The following PTPRG variants were observed in gnomAD, a reference collection of about 807,000 sequenced individuals.
The protein encoded by PTPRG is protein tyrosine phosphatase receptor type G.
Under a neutral mutation model 165.3 loss-of-function variants are expected in PTPRG, and 102 were observed. That is an observed-to-expected ratio of 0.62 (90% CI 0.53 to 0.73). The LOEUF is 0.73. PTPRG is among the 30% of genes least tolerant of loss of function. PTPRG has a pLI of 0.00. For synonymous variants in PTPRG, 675 were observed against 669.5 expected, an observed-to-expected ratio of 1.01 and a Z score of -0.13; for missense variants, 1,866 against 1,861.4, an observed-to-expected ratio of 1.00 and a Z score of -0.05.
At chr3:62,025,138 T>C (rs944229877) in intron 4 of PTPRG, among the ~76,000 whole-genome samples, 1 of 151,966 alleles carries the variant, frequency 6.6e-6, no homozygotes, top group African/African-American at 2.4e-5. Context: ...CAACAGGGAG[T>C]GGGATGAAAC....
intron 1 of PTPRG, among the ~76,000 whole-genome samples, chr3:61,706,163 T>G (rs1216774064): frequency 6.6e-6 from 1 of 152,050 alleles, no homozygotes; most frequent in Non-Finnish European, 1.5e-5. Context: ...TTTTAAAATT[T>G]TGGGCTATCA....
intron 1 of PTPRG, among the ~76,000 whole-genome samples, chr3:61,633,876 T>C (rs1701832173): frequency 6.6e-6 from 1 of 151,842 alleles, no homozygotes; most frequent in Non-Finnish European, 1.5e-5. Flanking sequence ...AAGTTCTCTG[T>C]TATTCCTAGT....
At chr3:61,761,399 A>AAAC (rs1458595707) in intron 2 of PTPRG, among the ~76,000 whole-genome samples, 1 of 152,190 alleles carries the variant, frequency 6.6e-6, no homozygotes, top group Non-Finnish European at 1.5e-5. Context: ...CAACATGGTG[A>AAAC]AACTTCATCT....
At chr3:62,097,479 GACAGGTATA>G (rs1221089350) in intron 5 of PTPRG, among the ~76,000 whole-genome samples, 1 of 152,008 alleles carries the variant, frequency 6.6e-6, no homozygotes, top group Non-Finnish European at 1.5e-5. Context: ...ATGCTCGTGT[GACAGGTATA>G]TGAACGCGAT....
At chr3:62,026,879 T>TAAAAAAAA (rs200417191) in intron 4 of PTPRG, among the ~76,000 whole-genome samples, 35 of 94,682 alleles carry the variant, frequency 3.7e-4, no homozygotes, top group East Asian at 9.0e-4. Flanking sequence ...GAGTGAGAAT[T>TAAAAAAAA]AAAAAAAAAA....
chr3:61,592,711 C>A (rs567538232), intron 1 of PTPRG, among the ~76,000 whole-genome samples: 1 of 147,364 alleles, frequency 6.8e-6, no homozygotes, highest in East Asian at 2.0e-4. Context: ...TCAATATTCA[C>A]CCTGTCTCTG....
intron 1 of PTPRG, among the ~76,000 whole-genome samples, chr3:61,654,902 C>T (rs1702466699): frequency 6.6e-6 from 1 of 151,744 alleles, no homozygotes; most frequent in Non-Finnish European, 1.5e-5. Context: ...GTGCCTCAGC[C>T]TCCTGAGTAG....
chr3:61,668,051 G>A (rs1702857890), intron 1 of PTPRG, among the ~76,000 whole-genome samples: 1 of 152,146 alleles, frequency 6.6e-6, no homozygotes, highest in East Asian at 1.9e-4. Context: ...AGAAATGAGT[G>A]TTTGCAACAG....
intron 13 of PTPRG, among the ~76,000 whole-genome samples, chr3:62,223,372 C>CT (rs1700691707): frequency 6.6e-6 from 1 of 152,206 alleles, no homozygotes; most frequent in African/African-American, 2.4e-5. Context: ...GCTGTCATCT[C>CT]TAAGGTGTGA....
chr3:62,069,095 G>T (rs571020633), intron 4 of PTPRG, among the ~76,000 whole-genome samples: 2 of 152,186 alleles, frequency 1.3e-5, no homozygotes, highest in South Asian at 4.1e-4. Context: ...TGTGGAAATG[G>T]TTTATTTGAA....
chr3:62,227,869 A>G (rs968414466), intron 13 of PTPRG, among the ~76,000 whole-genome samples: 1 of 152,206 alleles, frequency 6.6e-6, no homozygotes, highest in African/African-American at 2.4e-5. Flanking sequence ...TGAATTATTT[A>G]GAAAATAGAA....
At chr3:62,202,498 G>T in intron 11 of PTPRG, among the ~76,000 whole-genome samples, 1 of 152,210 alleles carries the variant, frequency 6.6e-6, no homozygotes, top group African/African-American at 2.4e-5. Flanking sequence ...GTTGTCATCT[G>T]TATGGGCTCA....
At chr3:62,003,571 C>A (rs2041225223) in intron 4 of PTPRG, 74 bp downstream of exon 4, 2 of 1,563,550 alleles carry the variant, frequency 1.3e-6, no homozygotes, top group African/African-American at 2.7e-5. Context: ...TGCCCTTACC[C>A]TCAGTCATTT....
intron 2 of PTPRG, among the ~76,000 whole-genome samples, chr3:61,830,414 A>G (rs1236392420): frequency 1.3e-5 from 2 of 152,110 alleles, no homozygotes; most frequent in Non-Finnish European, 2.9e-5. Context: ...AATCTCTCCA[A>G]CTGTCTGTCT....
intron 2 of PTPRG, among the ~76,000 whole-genome samples, chr3:61,816,451 G>C (rs1191587474): frequency 6.6e-6 from 1 of 152,144 alleles, no homozygotes; most frequent in Non-Finnish European, 1.5e-5. Context: ...GGAATCACTT[G>C]AACCCTGGAG....
intron 2 of PTPRG, among the ~76,000 whole-genome samples, chr3:61,965,629 T>C (rs1425587695): frequency 6.6e-6 from 1 of 150,488 alleles, no homozygotes; most frequent in Non-Finnish European, 1.5e-5. Context: ...ATTCATTCAT[T>C]CTTCTACAAG....
At chr3:62,092,266 C>A (rs1238645468) in intron 5 of PTPRG, among the ~76,000 whole-genome samples, 1 of 151,592 alleles carries the variant, frequency 6.6e-6, no homozygotes, top group African/African-American at 2.4e-5. Context: ...ATGGTTAAAC[C>A]CCATCTCTAC....
chr3:61,756,433 T>C (rs1163029600), intron 2 of PTPRG, among the ~76,000 whole-genome samples: 1 of 152,234 alleles, frequency 6.6e-6, no homozygotes, highest in East Asian at 1.9e-4. Flanking sequence ...CAGAACTTTA[T>C]GTACAAAGGA....
intron 4 of PTPRG, among the ~76,000 whole-genome samples, chr3:62,070,890 G>A (rs1203191826): frequency 6.6e-6 from 1 of 151,062 alleles, no homozygotes; most frequent in African/African-American, 2.4e-5. Flanking sequence ...GTTTGTCAAA[G>A]TAACCTGCAC....
Sources: gnomAD v4.1 joint callset for allele counts (sites outside exome capture counted in the v4.1 genomes callset) on GRCh38, gnomAD v4.1.1 for gene constraint, MANE v1.5 for transcripts, NCBI Gene and HGNC (gene_info 2026-07-23, HGNC 2026-07-21) for gene names.